The following KLF12 variants were observed in gnomAD, a reference collection of about 807,000 sequenced individuals.
KLF12 encodes Krueppel-like factor 12.
In KLF12, 9 loss-of-function variants were observed where a neutral mutation model predicts 37.8. The ratio of observed to expected loss-of-function variants is 0.24; its 90% CI spans 0.14 to 0.42. The LOEUF (loss-of-function observed/expected upper bound fraction) is 0.42. Ranked by LOEUF, KLF12 falls within the 10% of genes least tolerant of loss-of-function variation. The pLI is 1.00. For synonymous variants in KLF12, 208 were observed against 202.1 expected, an observed-to-expected ratio of 1.03 and a Z score of -0.25; for missense variants, 411 against 516.0, an observed-to-expected ratio of 0.80 and a Z score of 1.97.
intron 4 of KLF12, among the ~76,000 whole-genome samples, chr13:73,824,227 G>C (rs150959856): frequency 6.6e-6 from 1 of 152,160 alleles, no homozygotes; most frequent in African/African-American, 2.4e-5. Context: ...AAGAGTTACT[G>C]TGCGGGCCAC....
At chr13:73,709,435 C>A (rs1875195542) in intron 7 of KLF12, among the ~76,000 whole-genome samples, 1 of 152,058 alleles carries the variant, frequency 6.6e-6, no homozygotes, top group Non-Finnish European at 1.5e-5. Context: ...ATGCCTGAAG[C>A]AAAGGTAAGG....
intron 3 of KLF12, among the ~76,000 whole-genome samples, chr13:73,890,395 T>C (rs1330909612): frequency 6.6e-6 from 1 of 152,142 alleles, no homozygotes; most frequent in Admixed American, 6.5e-5. Flanking sequence ...CAGACATTGA[T>C]ATCAGGATTA....
At chr13:74,254,574 C>A in the KLF12 span, among the ~76,000 whole-genome samples, 1 of 152,146 alleles carries the variant, frequency 6.6e-6, no homozygotes, top group East Asian at 1.9e-4. Context: ...TTCTAACTGA[C>A]CTCAAAGCCC....
intron 1 of KLF12, among the ~76,000 whole-genome samples, chr13:74,072,798 T>C (rs1199482256): frequency 2.0e-5 from 3 of 152,168 alleles, no homozygotes; most frequent in African/African-American, 7.2e-5. Context: ...TCTCCTTTCT[T>C]AAATAACCCA....
chr13:73,788,582 C>A (rs1594092743), intron 5 of KLF12, among the ~76,000 whole-genome samples: 1 of 152,060 alleles, frequency 6.6e-6, no homozygotes, highest in African/African-American at 2.4e-5. Flanking sequence ...CTGTGGAACA[C>A]CTTTGTGCTC....
At chr13:73,718,942 C>T (rs1876021231) in intron 6 of KLF12, among the ~76,000 whole-genome samples, 1 of 151,938 alleles carries the variant, frequency 6.6e-6, no homozygotes, top group Non-Finnish European at 1.5e-5. Context: ...GAACAAATAC[C>T]TAAAGGTATC....
At chr13:74,083,808 T>C (rs1216609553) in intron 1 of KLF12, among the ~76,000 whole-genome samples, 1 of 152,232 alleles carries the variant, frequency 6.6e-6, no homozygotes, top group Non-Finnish European at 1.5e-5. Context: ...AATAGAAGTC[T>C]AGGCAAAAAG....
intron 6 of KLF12, among the ~76,000 whole-genome samples, chr13:73,754,357 C>G (rs1488339177): frequency 6.6e-6 from 1 of 152,138 alleles, no homozygotes; most frequent in Non-Finnish European, 1.5e-5. Flanking sequence ...GTTTTTAGGT[C>G]TTGGCATAAC....
intron 2 of KLF12, among the ~76,000 whole-genome samples, chr13:73,994,493 T>C (rs1046968910): frequency 1.3e-5 from 2 of 148,606 alleles, no homozygotes; most frequent in African/African-American, 4.9e-5. Flanking sequence ...CTTTCATTCA[T>C]ACTGTATTTG....
the KLF12 span, among the ~76,000 whole-genome samples, chr13:74,155,826 C>A: frequency 2.0e-4 from 30 of 152,182 alleles, 1 homozygote; most frequent in South Asian, 5.8e-3. Context: ...GAGAGGAGTG[C>A]TGTTGTTTTT....
chr13:74,272,765 G>A, the KLF12 span, among the ~76,000 whole-genome samples: 1 of 152,146 alleles, frequency 6.6e-6, no homozygotes, highest in East Asian at 1.9e-4. Flanking sequence ...GGGAAAGTGA[G>A]TGATCTAAAG....
chr13:74,237,867 C>A, the KLF12 span, among the ~76,000 whole-genome samples: 1 of 152,160 alleles, frequency 6.6e-6, no homozygotes, highest in African/African-American at 2.4e-5. Flanking sequence ...TCTAGATATA[C>A]AATCATGTGG....
chr13:74,130,385 T>A (rs1054349398), intron 1 of KLF12, among the ~76,000 whole-genome samples: 3 of 152,222 alleles, frequency 2.0e-5, no homozygotes, highest in African/African-American at 7.2e-5. Flanking sequence ...AAATTAAACT[T>A]GTAGCCAGCG....
intron 7 of KLF12, among the ~76,000 whole-genome samples, chr13:73,697,053 GC>G: frequency 6.6e-6 from 1 of 151,500 alleles, no homozygotes; most frequent in East Asian, 1.9e-4. Flanking sequence ...TAGAATAGCT[GC>G]CAAGCAAGTA....
At chr13:74,072,406 T>TATATATATATATATAA (rs1487459834) in intron 1 of KLF12, among the ~76,000 whole-genome samples, 4 of 119,726 alleles carry the variant, frequency 3.3e-5, no homozygotes, top group Non-Finnish European at 5.3e-5. Context: ...TATATATATA[T>TATATATATATATATAA]AAAAGATTAT....
At chr13:73,990,703 T>G (rs1489630100) in intron 2 of KLF12, among the ~76,000 whole-genome samples, 1 of 150,960 alleles carries the variant, frequency 6.6e-6, no homozygotes, top group Non-Finnish European at 1.5e-5. Context: ...AAAGTTTGGG[T>G]TTTTTTTAAT....
chr13:74,294,603 G>A, the KLF12 span, among the ~76,000 whole-genome samples: 193 of 152,152 alleles, frequency 1.3e-3, 2 homozygotes, highest in East Asian at 0.029. Flanking sequence ...TGCTGACCTT[G>A]TGATCCACCC....
chr13:73,921,262 C>T (rs1002844265), intron 3 of KLF12, among the ~76,000 whole-genome samples: 2 of 152,114 alleles, frequency 1.3e-5, no homozygotes, highest in East Asian at 1.9e-4. Context: ...AACTTGTACA[C>T]TTTTTCTCCT....
the KLF12 span, among the ~76,000 whole-genome samples, chr13:74,252,089 G>A: frequency 8.5e-5 from 13 of 152,300 alleles, no homozygotes; most frequent in South Asian, 2.1e-4. Context: ...CCCAAGGACC[G>A]TGCAAGCCTC....
Sources: allele counts gnomAD v4.1 joint callset (sites outside exome capture counted in the v4.1 genomes callset), GRCh38; gene constraint gnomAD v4.1.1; transcripts MANE v1.5; gene names NCBI Gene and HGNC (gene_info 2026-07-23, HGNC 2026-07-21).